ADAMTSL3: variants seen among roughly 807,000 people sequenced by gnomAD.
The protein encoded by ADAMTSL3 is ADAMTS like 3.
In ADAMTSL3, 128 loss-of-function variants were observed where a neutral mutation model predicts 201.7. The observed-to-expected ratio is 0.63, with a 90% CI of 0.55 to 0.73. ADAMTSL3 has a LOEUF of 0.73. Ranked by LOEUF, ADAMTSL3 falls within the 30% of genes least tolerant of loss-of-function variation. The probability of loss-of-function intolerance (pLI) is 0.00; values close to 1 mark genes in which losing one functional copy is unlikely to be tolerated. For synonymous variants in ADAMTSL3, 738 were observed against 748.4 expected, an observed-to-expected ratio of 0.99 and a Z score of 0.23; for missense variants, 1,990 against 2,119.6, an observed-to-expected ratio of 0.94 and a Z score of 1.20.
intron 19 of ADAMTSL3, among the ~76,000 whole-genome samples, chr15:83,955,886 A>G (rs1164570363): frequency 6.6e-6 from 1 of 152,038 alleles, no homozygotes; most frequent in Non-Finnish European, 1.5e-5. Flanking sequence ...CTTGGGGTTG[A>G]GGGAGGGGTA....
chr15:83,810,599 C>T (rs1349501887), intron 5 of ADAMTSL3, among the ~76,000 whole-genome samples: 1 of 152,224 alleles, frequency 6.6e-6, no homozygotes, highest in Admixed American at 6.5e-5. Context: ...ATAGGCAGGG[C>T]TACATCATTC....
At position 83,763,043 on chromosome 15, in the gene ADAMTSL3, C is replaced by T. The variant is rs1249499519; in HGVS notation, c.190-10480C>T. Among the ~76,000 whole-genome samples the T allele has an allele frequency of 2.0e-5, 3 of 152,148 alleles. No homozygotes were observed. The East Asian group carries it at 5.8e-4, about 29-fold the overall frequency. On this transcript the variant is annotated intron_variant, in intron 3 of 29. Transcript: ENST00000286744. ...CTGGGACTACAAGTGCACACCATTA[C>T]ACTTGACTAATTTTTGTATTTTTTT...
rs532978363 is a variant in ADAMTSL3, at chr15:83,912,324, A to T, written c.1701-768A>T. On this transcript the variant is annotated intron_variant, in intron 15 of 29. Coordinates refer to ENST00000286744, the MANE Select transcript of ADAMTSL3 (RefSeq NM_207517.3). ...GTAAAACTTTAGTTATGCACGGTAA[A>T]ATTTAATTTTATGTAATTTTCACAT... 1.1e-4 allele frequency among the ~76,000 whole-genome samples: 16 copies of T among 152,326 alleles called. No homozygotes were observed. The South Asian group carries it at 3.3e-3, about 32-fold the overall frequency.
At chr15:83,710,378 C>T (rs1278747107) in intron 3 of ADAMTSL3, among the ~76,000 whole-genome samples, 1 of 152,168 alleles carries the variant, frequency 6.6e-6, no homozygotes, top group African/African-American at 2.4e-5. Flanking sequence ...ACTTGGTTTT[C>T]AAATTCTTAC....
intron 3 of ADAMTSL3, among the ~76,000 whole-genome samples, chr15:83,727,251 T>C (rs1419984181): frequency 6.6e-6 from 1 of 152,038 alleles, no homozygotes; most frequent in Non-Finnish European, 1.5e-5. Context: ...GTCTCCTTTT[T>C]CATCTCTGAT....
intron 2 of ADAMTSL3, among the ~76,000 whole-genome samples, chr15:83,697,659 G>T (rs2061703949): frequency 6.6e-6 from 1 of 152,158 alleles, no homozygotes; most frequent in East Asian, 1.9e-4. Context: ...GGTCTGGAAG[G>T]AGGTCCCAAG....
At chr15:83,775,396 T>C (rs1488108154) in intron 4 of ADAMTSL3, among the ~76,000 whole-genome samples, 3 of 151,992 alleles carry the variant, frequency 2.0e-5, no homozygotes, top group Non-Finnish European at 4.4e-5. Context: ...TTTAGAGGAA[T>C]ATATTAAGGA....
chr15:83,699,492 CT>C (rs565534560), intron 2 of ADAMTSL3, among the ~76,000 whole-genome samples: 1 of 152,230 alleles, frequency 6.6e-6, no homozygotes, highest in Non-Finnish European at 1.5e-5. Context: ...GGAACCATCC[CT>C]TTTCACCTGG....
intron 3 of ADAMTSL3, among the ~76,000 whole-genome samples, chr15:83,712,990 A>G (rs76711331): frequency 0.014 from 2,160 of 152,252 alleles, 55 homozygotes; most frequent in African/African-American, 0.049. Flanking sequence ...AATCTCTAAG[A>G]GACAACTAAT....
chr15:83,955,790 G>A (rs1156349885), intron 19 of ADAMTSL3, among the ~76,000 whole-genome samples: 1 of 151,974 alleles, frequency 6.6e-6, no homozygotes, highest in African/African-American at 2.4e-5. Context: ...CAAGATGCAA[G>A]ACAAAGTACA....
At chr15:83,844,343 T>C (rs1206709667) in intron 7 of ADAMTSL3, among the ~76,000 whole-genome samples, 1 of 152,196 alleles carries the variant, frequency 6.6e-6, no homozygotes, top group African/African-American at 2.4e-5. Context: ...TAAGATTTTT[T>C]CCCTTCATCC....
intron 2 of ADAMTSL3, among the ~76,000 whole-genome samples, chr15:83,696,371 C>T (rs779462073): frequency 1.3e-5 from 2 of 152,204 alleles, no homozygotes; most frequent in South Asian, 4.1e-4. Context: ...TGAGTCACCA[C>T]GCCCTGCTTT....
intron 3 of ADAMTSL3, among the ~76,000 whole-genome samples, chr15:83,736,601 T>C (rs1425760468): frequency 6.6e-6 from 1 of 152,134 alleles, no homozygotes; most frequent in African/African-American, 2.4e-5. Context: ...TTCTGAGAAG[T>C]CCCAAGGACT....
At chr15:83,825,926 T>C (rs1207767184) in intron 6 of ADAMTSL3, among the ~76,000 whole-genome samples, 1 of 152,098 alleles carries the variant, frequency 6.6e-6, no homozygotes, top group African/African-American at 2.4e-5. Context: ...GAGGAGCTGT[T>C]TCATAATTTT....
At chr15:83,765,081 A>G (rs190923448) in intron 3 of ADAMTSL3, among the ~76,000 whole-genome samples, 25 of 152,308 alleles carry the variant, frequency 1.6e-4, no homozygotes, top group Non-Finnish European at 2.8e-4. Context: ...AATGGACTGA[A>G]GAAGAGAGAA....
intron 22 of ADAMTSL3, among the ~76,000 whole-genome samples, chr15:83,989,453 G>A (rs1442599310): frequency 6.6e-6 from 1 of 152,192 alleles, no homozygotes; most frequent in Non-Finnish European, 1.5e-5. Context: ...AACTGGCAGT[G>A]TTGATATTAA....
Position 83,822,770 on chromosome 15 carries a change from G to A in ADAMTSL3, c.600+2723G>A, listed in dbSNP as rs1474533095. On this transcript the variant is annotated intron_variant, in intron 6 of 29. Coordinates refer to ENST00000286744, the MANE Select transcript of ADAMTSL3 (RefSeq NM_207517.3). ...AGACGATGGGCGGCCAGGCAGAGAC[G>A]CTCCTCACTTCCCAGATGGGGTGGC... is the stretch of plus-strand genomic sequence containing the variant. 5.9e-5 allele frequency among the ~76,000 whole-genome samples: 9 copies of A among 151,644 alleles called. No homozygotes were observed. The East Asian group carries it at 6.0e-4, about 10-fold the overall frequency.
chr15:83,885,214 T>C lies in ADAMTSL3; in HGVS notation c.1072+2T>C. 1 of 1,601,574 alleles carries C rather than the reference T, an allele frequency of 6.2e-7. No homozygotes were observed. The highest frequency in any genetic ancestry group is 8.6e-7 in the Non-Finnish European group (1 of 1,168,906). ...CCTGCACTGTGACGTGTGGAGGAGG[T>C]GAGGCCCAGGCTTTGTTCATGAATA... On this transcript the variant is annotated splice_donor_variant, in intron 10 of 29. Transcript: ENST00000286744. LOFTEE classifies it high-confidence loss of function.
intron 2 of ADAMTSL3, among the ~76,000 whole-genome samples, chr15:83,670,770 C>G (rs780933029): frequency 6.6e-6 from 1 of 152,198 alleles, no homozygotes; most frequent in Non-Finnish European, 1.5e-5. Flanking sequence ...AACTGAGACA[C>G]TTAGCACAAC....
Sources: gnomAD v4.1 joint callset for allele counts (sites outside exome capture counted in the v4.1 genomes callset) on GRCh38, gnomAD v4.1.1 for gene constraint, MANE v1.5 for transcripts, NCBI Gene and HGNC (gene_info 2026-07-23, HGNC 2026-07-21) for gene names.